EPN2: variants seen among roughly 807,000 people sequenced by gnomAD.
EPN2 encodes the protein epsin 2.
In EPN2, 34 loss-of-function variants were observed where a neutral mutation model predicts 61.7. That is an observed-to-expected ratio of 0.55 (90% CI 0.42 to 0.73). The LOEUF is 0.73. EPN2 is among the 30% of genes least tolerant of loss of function. The pLI is 0.00. For missense variants in EPN2, 714 were observed against 839.2 expected, an observed-to-expected ratio of 0.85 and a Z score of 1.84; for synonymous variants, 349 against 353.6, an observed-to-expected ratio of 0.99 and a Z score of 0.15.
intron 7 of EPN2, among the ~76,000 whole-genome samples, chr17:19,318,567 A>AAAAAAAAAAAAAAAAAAAAAAAAAAG (rs1906499572): frequency 6.8e-6 from 1 of 147,296 alleles, no homozygotes; most frequent in Non-Finnish European, 1.5e-5. Flanking sequence ...AAAAAAAAAA[A>AAAAAAAAAAAAAAAAAAAAAAAAAAG]GAGTAGGGGG....
At chr17:19,246,682 CA>C (rs926882649) in intron 1 of EPN2, among the ~76,000 whole-genome samples, 2 of 147,760 alleles carry the variant, frequency 1.4e-5, no homozygotes, top group Non-Finnish European at 3.0e-5. Context: ...CCGCCCCCCC[CA>C]AAAAAATATC....
intron 4 of EPN2, among the ~76,000 whole-genome samples, chr17:19,289,587 G>C (rs1019825947): frequency 6.6e-6 from 1 of 152,038 alleles, no homozygotes; most frequent in Non-Finnish European, 1.5e-5. Flanking sequence ...TCCTAGACAC[G>C]CAAGTGGAGG....
intron 4 of EPN2, among the ~76,000 whole-genome samples, chr17:19,307,074 A>C (rs936102505): frequency 6.6e-6 from 1 of 152,150 alleles, no homozygotes; most frequent in African/African-American, 2.4e-5. Flanking sequence ...GGAAAGCCCA[A>C]ACTTGAGAGT....
intron 4 of EPN2, among the ~76,000 whole-genome samples, chr17:19,297,755 C>G (rs1266265083): frequency 6.6e-6 from 1 of 152,228 alleles, no homozygotes; most frequent in Non-Finnish European, 1.5e-5. Flanking sequence ...CCTTGGTGCA[C>G]TTGGCCACAG....
At chr17:19,333,728 C>T (rs189834147) in intron 10 of EPN2, among the ~76,000 whole-genome samples, 73 of 152,294 alleles carry the variant, frequency 4.8e-4, no homozygotes, top group East Asian at 1.7e-3. Flanking sequence ...AGCTTTGTGA[C>T]GCTGGACAAA....
intron 4 of EPN2, among the ~76,000 whole-genome samples, chr17:19,286,760 T>C (rs2045409080): frequency 6.6e-6 from 1 of 152,264 alleles, no homozygotes; most frequent in African/African-American, 2.4e-5. Context: ...TTTTCCTTCA[T>C]GTCCCTGTTT....
At chr17:19,327,333 C>T (rs1002946010) in intron 7 of EPN2, among the ~76,000 whole-genome samples, 1 of 152,088 alleles carries the variant, frequency 6.6e-6, no homozygotes, top group Non-Finnish European at 1.5e-5. Context: ...TGAACAAAGC[C>T]AGCCACAAAG....
At chr17:19,271,852 C>T (rs1447684986) in intron 1 of EPN2, 1 of 152,342 alleles carries the variant, frequency 6.6e-6, no homozygotes, top group African/African-American at 2.4e-5. Flanking sequence ...AAATATGTTA[C>T]ATCACTACTG....
At chr17:19,278,168 G>T (rs1409760749) in intron 1 of EPN2, among the ~76,000 whole-genome samples, 1 of 152,050 alleles carries the variant, frequency 6.6e-6, no homozygotes, top group Non-Finnish European at 1.5e-5. Flanking sequence ...TAGAGACGGG[G>T]TCTCGCCATG....
At chr17:19,321,660 G>T (rs1906643133) in intron 7 of EPN2, among the ~76,000 whole-genome samples, 1 of 152,122 alleles carries the variant, frequency 6.6e-6, no homozygotes, top group African/African-American at 2.4e-5. Flanking sequence ...GAGATATTGT[G>T]CAGGGGAGAT....
At chr17:19,321,391 C>G (rs532047743) in intron 7 of EPN2, among the ~76,000 whole-genome samples, 11 of 152,322 alleles carry the variant, frequency 7.2e-5, no homozygotes, top group African/African-American at 2.6e-4. Context: ...TTCTCTGTAG[C>G]TCCAGTACCA....
chr17:19,255,811 CAG>C (rs1245435504), intron 1 of EPN2, among the ~76,000 whole-genome samples: 1 of 151,926 alleles, frequency 6.6e-6, no homozygotes, highest in Non-Finnish European at 1.5e-5. Flanking sequence ...TTTGTAGAGA[CAG>C]GGTCTCATTT....
rs1457027886 is a variant in EPN2 at position 19,283,065 on chromosome 17, G to A, written c.-55G>A. ...CTTCATAGGGTGCGCACTTACCAAG[G>A]ACAGGAAGGTTTCTCTGTTTGAAGG... On this transcript the variant is annotated 5_prime_UTR_variant, in exon 3 of 11. Coordinates refer to ENST00000314728, the MANE Select transcript of EPN2 (RefSeq NM_014964.5). The surrounding 1 kb of genome is among the most constrained non-coding windows in gnomAD (Gnocchi z 7.0). 1.5e-6 allele frequency: 2 copies of A among 1,353,842 alleles called. No homozygotes were observed. The highest frequency in any genetic ancestry group is 4.6e-5 in the East Asian group (2 of 43,214). The allele number at this position is 1,353,842 out of a possible 1,614,324, so 83.9% of individuals were successfully genotyped here.
intron 1 of EPN2, among the ~76,000 whole-genome samples, chr17:19,243,673 A>G (rs1157772430): frequency 6.6e-6 from 1 of 152,060 alleles, no homozygotes; most frequent in African/African-American, 2.4e-5. Flanking sequence ...GATTACAGGC[A>G]TGAGCCACTG....
In EPN2 at chr17:19,283,014, C is replaced by T. The variant is rs111472891; in HGVS notation, c.-106C>T. On this transcript the variant is annotated 5_prime_UTR_variant, in exon 3 of 11. Transcript: ENST00000314728. The surrounding 1 kb of genome is among the most constrained non-coding windows in gnomAD (Gnocchi z 7.0). ...AGGAAATGACCATTCAGGGATCTTA[C>T]TCCAGCTTGATTACGGAGACTGAAC... 226 of 767,554 alleles carry T rather than the reference C, an allele frequency of 2.9e-4. 3 individuals are homozygous for T. The African/African-American group carries it at 3.3e-3, about 11-fold the overall frequency. The allele number at this position is 767,554 out of a possible 1,614,324, so 47.5% of individuals were successfully genotyped here. A position where few individuals can be genotyped will look rare whatever the true frequency, so the allele number is the denominator to read the frequency against.
intron 10 of EPN2, among the ~76,000 whole-genome samples, chr17:19,332,584 G>A (rs764716282): frequency 4.6e-5 from 7 of 152,182 alleles, no homozygotes; most frequent in Admixed American, 1.3e-4. Context: ...TGGGTATCCA[G>A]GGCCATTATG....
intron 4 of EPN2, among the ~76,000 whole-genome samples, chr17:19,300,990 G>C (rs960911267): frequency 4.6e-5 from 7 of 152,186 alleles, no homozygotes; most frequent in Admixed American, 3.9e-4. Flanking sequence ...CTGATACTTA[G>C]GGATGAGGAT....
intron 1 of EPN2, among the ~76,000 whole-genome samples, chr17:19,259,816 C>T (rs566744202): frequency 6.6e-6 from 1 of 152,292 alleles, no homozygotes; most frequent in Admixed American, 6.5e-5. Context: ...TCCTAAATGC[C>T]CGGAGGAAGG....
intron 1 of EPN2, chr17:19,273,310 TC>T (rs1296861988): frequency 2.6e-5 from 4 of 152,140 alleles, no homozygotes; most frequent in Non-Finnish European, 5.9e-5. Context: ...CCTTCCTGGC[TC>T]CCCTTTGGCA....
Sources: gnomAD v4.1 joint callset for allele counts (sites outside exome capture counted in the v4.1 genomes callset) on GRCh38, gnomAD v4.1.1 for gene constraint, Gnocchi (gnomAD v3.1) non-coding constraint, MANE v1.5 for transcripts, NCBI Gene and HGNC (gene_info 2026-07-23, HGNC 2026-07-21) for gene names.